The following SCHIP1 variants were observed in gnomAD, a reference collection of about 807,000 sequenced individuals.
SCHIP1 encodes the protein schwannomin-interacting protein 1.
Under a neutral mutation model 29.7 loss-of-function variants are expected in SCHIP1, and 8 were observed. The ratio of observed to expected loss-of-function variants is 0.27; its 90% CI spans 0.16 to 0.49. SCHIP1 has a LOEUF of 0.49. Among genes scored for constraint, SCHIP1 ranks in the 20% least tolerant of loss-of-function variants. The pLI, the probability that SCHIP1 is intolerant of heterozygous loss-of-function variation, is 0.99. For synonymous variants in SCHIP1, 76 were observed against 94.9 expected, an observed-to-expected ratio of 0.80 and a Z score of 1.16; for missense variants, 193 against 294.6, an observed-to-expected ratio of 0.66 and a Z score of 2.52.
At chr3:159,274,642 A>G in the SCHIP1 span, 3 of 820,014 alleles carry the variant, frequency 3.7e-6, no homozygotes, top group Non-Finnish European at 4.4e-6. Flanking sequence ...TATATGACAC[A>G]ACCAACGAAG....
Position 159,896,266 on chromosome 3 carries a change from C to A in SCHIP1, c.684-457C>A, listed in dbSNP as rs549311568. Among the ~76,000 whole-genome samples, 8 of 152,248 alleles carry A rather than the reference C, an allele frequency of 5.3e-5. No homozygotes were observed. The South Asian group carries it at 1.7e-3, about 32-fold the overall frequency. On this transcript the variant is annotated intron_variant, in intron 6 of 6. Coordinates refer to ENST00000445224, the Ensembl canonical transcript of SCHIP1. ...TTACTCTTATCATAATACCATGTTTCGACTTTTGGCTTCGTGCTTATTTCC... is the reference window on the plus strand; with the variant it reads ...TTACTCTTATCATAATACCATGTTTAGACTTTTGGCTTCGTGCTTATTTCC...
the SCHIP1 span, among the ~76,000 whole-genome samples, chr3:159,424,799 G>A: frequency 0.61 from 91,257 of 150,662 alleles, 28,281 homozygotes; most frequent in Non-Finnish European, 0.68. Context: ...GAGAAAGGTA[G>A]GGTTACCCAC....
At chr3:159,764,758 G>A in the SCHIP1 span, 4 of 1,572,604 alleles carry the variant, frequency 2.5e-6, no homozygotes, top group Non-Finnish European at 3.4e-6. The surrounding 1 kb of genome is among the most constrained non-coding windows in gnomAD (Gnocchi z 6.1). Flanking sequence ...GGACGTAAGC[G>A]CCAGGACCCG....
chr3:159,514,219 G>A, the SCHIP1 span, among the ~76,000 whole-genome samples: 31 of 152,194 alleles, frequency 2.0e-4, no homozygotes, highest in Admixed American at 1.0e-3. Context: ...GCGTCGGAAA[G>A]GCCTGTCCAT....
At chr3:159,395,358 C>G in the SCHIP1 span, among the ~76,000 whole-genome samples, 1 of 152,106 alleles carries the variant, frequency 6.6e-6, no homozygotes, top group Non-Finnish European at 1.5e-5. Context: ...TAGCCTTCTG[C>G]TAGCTTTTGA....
the SCHIP1 span, among the ~76,000 whole-genome samples, chr3:159,432,700 G>C: frequency 6.6e-6 from 1 of 152,132 alleles, no homozygotes; most frequent in African/African-American, 2.4e-5. Flanking sequence ...ATATAGTTCT[G>C]CATATACATG....
chr3:159,734,376 A>C, the SCHIP1 span, among the ~76,000 whole-genome samples: 1 of 151,878 alleles, frequency 6.6e-6, no homozygotes. Context: ...TCCTGTCCTC[A>C]TGATCCGCCC....
chr3:159,417,369 C>T, the SCHIP1 span, among the ~76,000 whole-genome samples: 3 of 152,152 alleles, frequency 2.0e-5, no homozygotes, highest in African/African-American at 7.2e-5. Flanking sequence ...AACTCTGATA[C>T]ACCGATAGAA....
the SCHIP1 span, among the ~76,000 whole-genome samples, chr3:159,308,053 ATTTAGGCTC>A: frequency 6.6e-6 from 1 of 151,672 alleles, no homozygotes; most frequent in Admixed American, 6.6e-5. Context: ...TGCTTTGGTT[ATTTAGGCTC>A]TTTTTTTTGG....
chr3:159,506,939 G>A, the SCHIP1 span, among the ~76,000 whole-genome samples: 1 of 152,138 alleles, frequency 6.6e-6, no homozygotes, highest in Non-Finnish European at 1.5e-5. Flanking sequence ...GCATTCTCCT[G>A]GCAATGCGGG....
chr3:159,699,536 G>A, the SCHIP1 span, among the ~76,000 whole-genome samples: 2 of 152,208 alleles, frequency 1.3e-5, no homozygotes, highest in Non-Finnish European at 2.9e-5. Flanking sequence ...AAGGAAGGGA[G>A]AACCAAGATT....
the SCHIP1 span, among the ~76,000 whole-genome samples, chr3:159,277,069 T>G: frequency 6.6e-6 from 1 of 152,168 alleles, no homozygotes; most frequent in Admixed American, 6.6e-5. Context: ...GAATCCAACA[T>G]TCTGGATTGA....
chr3:159,327,587 G>A, the SCHIP1 span, among the ~76,000 whole-genome samples: 3 of 152,136 alleles, frequency 2.0e-5, no homozygotes, highest in African/African-American at 7.2e-5. Flanking sequence ...ACATAATTTT[G>A]TTGCAAATGC....
chr3:159,423,660 C>T, the SCHIP1 span, among the ~76,000 whole-genome samples: 4 of 149,124 alleles, frequency 2.7e-5, no homozygotes, highest in African/African-American at 9.8e-5. Context: ...CAGCAGTAAC[C>T]TCCGCAGACT....
At chr3:159,793,127 T>A in the SCHIP1 span, among the ~76,000 whole-genome samples, 2 of 152,190 alleles carry the variant, frequency 1.3e-5, no homozygotes, top group Non-Finnish European at 2.9e-5. Flanking sequence ...TCGCCATGTA[T>A]CATAATCCTT....
intron 1 of SCHIP1, among the ~76,000 whole-genome samples, chr3:159,844,930 C>A (rs774861493): frequency 5.9e-5 from 9 of 152,342 alleles, no homozygotes; most frequent in Admixed American, 2.6e-4. Flanking sequence ...TAACACTCAT[C>A]TTTTTCCTCC....
the SCHIP1 span, among the ~76,000 whole-genome samples, chr3:159,576,878 G>A: frequency 6.6e-6 from 1 of 152,046 alleles, no homozygotes; most frequent in African/African-American, 2.4e-5. Context: ...TTTATATTTT[G>A]GTTCTGCCTC....
chr3:159,431,745 G>A, the SCHIP1 span, among the ~76,000 whole-genome samples: 1 of 150,964 alleles, frequency 6.6e-6, no homozygotes, highest in Non-Finnish European at 1.5e-5. Context: ...GGAGGCAGTG[G>A]TTGCAATGAG....
the SCHIP1 span, among the ~76,000 whole-genome samples, chr3:159,441,549 G>A: frequency 6.6e-6 from 1 of 152,040 alleles, no homozygotes; most frequent in Non-Finnish European, 1.5e-5. Flanking sequence ...AGTATTATGT[G>A]AGAGTTCAAA....
Sources: gnomAD v4.1 joint callset for allele counts (sites outside exome capture counted in the v4.1 genomes callset) on GRCh38, gnomAD v4.1.1 for gene constraint, Gnocchi (gnomAD v3.1) non-coding constraint, MANE v1.5 for transcripts, NCBI Gene and HGNC (gene_info 2026-07-23, HGNC 2026-07-21) for gene names.